Variants in AEBP2 observed in about 807,000 individuals in gnomAD.
AEBP2 encodes the protein zinc finger protein AEBP2.
Under a neutral mutation model 50.8 loss-of-function variants are expected in AEBP2, and 10 were observed. The observed-to-expected ratio is 0.20, with a 90% CI of 0.12 to 0.33. The LOEUF (loss-of-function observed/expected upper bound fraction) is 0.33, where lower values mean the gene tolerates loss of function less well. Ranked by LOEUF, AEBP2 falls within the 10% of genes least tolerant of loss-of-function variation. The pLI, the probability that AEBP2 is intolerant of heterozygous loss-of-function variation, is 1.00. For synonymous variants in AEBP2, 296 were observed against 261.3 expected (o/e 1.13, Z -1.28); for missense variants, 570 against 688.0 (o/e 0.83, Z 1.92).
intron 1 of AEBP2, among the ~76,000 whole-genome samples, chr12:19,451,118 G>A (rs1592725377): frequency 6.6e-6 from 1 of 152,126 alleles, no homozygotes; most frequent in Admixed American, 6.5e-5. Flanking sequence ...ATCAAACATT[G>A]TTCCAGTTAT....
intron 5 of AEBP2, among the ~76,000 whole-genome samples, chr12:19,506,936 C>T (rs1458841703): frequency 6.6e-6 from 1 of 152,016 alleles, no homozygotes; most frequent in East Asian, 1.9e-4. Flanking sequence ...TGGAGGCTCT[C>T]AGGCAAGCAG....
chr12:19,446,910 G>A (rs1224724314), intron 1 of AEBP2, among the ~76,000 whole-genome samples: 1 of 152,060 alleles, frequency 6.6e-6, no homozygotes, highest in East Asian at 1.9e-4. Context: ...CTGGGTGACA[G>A]CAAGACTCTC....
chr12:19,518,218 C>CA lies in AEBP2; in HGVS notation c.*101_*102insA. 2 of 1,131,728 alleles carry CA rather than the reference C, an allele frequency of 1.8e-6. No individual in the cohort carries two copies. The highest frequency in any genetic ancestry group is 4.6e-5 in the Admixed American group (1 of 21,968). 70.1% of individuals were successfully genotyped at this position (1,131,728 alleles called of 1,614,324 possible). A position where few individuals can be genotyped will look rare whatever the true frequency, so the allele number is the denominator to read the frequency against. ...AGTTGCACATTAGAGTCAACCCCTT[C>CA]TTTTTTTTTTTTTTTTTTTTAAATC... On this transcript the variant is annotated 3_prime_UTR_variant, in exon 8 of 8. Coordinates refer to ENST00000266508, the MANE Select transcript of AEBP2 (RefSeq NM_153207.5).
chr12:19,427,797 T>C (rs760663437), intron 1 of AEBP2, among the ~76,000 whole-genome samples: 1 of 152,024 alleles, frequency 6.6e-6, no homozygotes. Context: ...TTATAGATAG[T>C]AGGGTGGGAA....
At chr12:19,515,543 T>A (rs1373486372) in intron 7 of AEBP2, among the ~76,000 whole-genome samples, 1 of 152,198 alleles carries the variant, frequency 6.6e-6, no homozygotes, top group East Asian at 1.9e-4. Flanking sequence ...GTGGTGGAAA[T>A]GCTTAAAACC....
chr12:19,494,975 C>T (rs888840198), intron 4 of AEBP2, among the ~76,000 whole-genome samples: 3 of 150,926 alleles, frequency 2.0e-5, no homozygotes, highest in Non-Finnish European at 4.4e-5. Context: ...GGTGTGATCT[C>T]GGCTCACTGC....
chr12:19,504,783 T>TA (rs909377769), intron 5 of AEBP2, among the ~76,000 whole-genome samples: 2 of 152,126 alleles, frequency 1.3e-5, no homozygotes, highest in South Asian at 2.1e-4. Flanking sequence ...TAACTTTATT[T>TA]AAAAAAAGGC....
In AEBP2 at chr12:19,440,386, C is replaced by T. The variant is rs553262655; in HGVS notation, c.671+16C>T. The T allele has an allele frequency of 2.0e-6, 3 of 1,470,456 alleles. No homozygotes were observed. Among genetic ancestry groups the T allele is most frequent in the African/African-American group, 2.8e-5 (2 of 70,736 alleles). The allele number at this position is 1,470,456 out of a possible 1,614,324, so 91.1% of individuals were successfully genotyped here. On this transcript the variant is annotated intron_variant, in intron 1 of 7. Coordinates refer to ENST00000266508, the MANE Select transcript of AEBP2 (RefSeq NM_153207.5). ...CGGAGGACAGGTCAGTGCTCTGAAG[C>T]GTTTCCCCTTCCCTTCCTCCTCTTG...
chr12:19,440,718 G>T (rs1446872549), intron 1 of AEBP2: 6 of 1,533,368 alleles, frequency 3.9e-6, no homozygotes, highest in Non-Finnish European at 5.2e-6. Context: ...TACACACGTC[G>T]GTACTCAAGG....
Position 19,439,982 on chromosome 12 carries a change from G to C in AEBP2, c.283G>C (p.Glu95Gln). Residue 95 changes from glutamate to glutamine, a missense_variant, in exon 1 of 8, where the codon GAG becomes CAG. This residue lies in a region of AEBP2 where 386 missense variants were observed against 336.8 expected (regional missense o/e 1.15). Coordinates refer to ENST00000266508, the MANE Select transcript of AEBP2 (RefSeq NM_153207.5). ...PSPESASQAG[E>Q]DEDEEEDDEE... ...CCCCGAGAGCGCCAGCCAGGCCGGGGAGGACGAAGACGAGGAGGAGGACGA... is the reference window on the plus strand; with the variant it reads ...CCCCGAGAGCGCCAGCCAGGCCGGGCAGGACGAAGACGAGGAGGAGGACGA... 6.6e-7 allele frequency: 1 copy of C among 1,524,924 alleles called. No individual in the cohort carries two copies. Among genetic ancestry groups the C allele is most frequent in the Non-Finnish European group, 8.8e-7 (1 of 1,142,228 alleles). 94.5% of individuals were successfully genotyped at this position (1,524,924 alleles called of 1,614,324 possible).
chr12:19,491,414 G>T (rs190549007), intron 3 of AEBP2, among the ~76,000 whole-genome samples: 147 of 152,220 alleles, frequency 9.7e-4, no homozygotes, highest in African/African-American at 3.4e-3. Flanking sequence ...AGGCCTTACT[G>T]TACTCCTTTG....
At chr12:19,426,460 T>C (rs1378821406) in intron 1 of AEBP2, among the ~76,000 whole-genome samples, 1 of 152,196 alleles carries the variant, frequency 6.6e-6, no homozygotes, top group Non-Finnish European at 1.5e-5. Flanking sequence ...CTAAATATGC[T>C]TAGGTTAATT....
chr12:19,416,206 A>G (rs1056373676), intron 1 of AEBP2, among the ~76,000 whole-genome samples: 2 of 152,058 alleles, frequency 1.3e-5, no homozygotes, highest in Non-Finnish European at 2.9e-5. Flanking sequence ...AAACAAAACA[A>G]AACCCAACTT....
intron 1 of AEBP2, among the ~76,000 whole-genome samples, chr12:19,430,950 G>A (rs1341538629): frequency 6.7e-6 from 1 of 150,114 alleles, no homozygotes; most frequent in Non-Finnish European, 1.5e-5. Flanking sequence ...TTGAGCCCCA[G>A]AGGTTGAGGT....
intron 1 of AEBP2, chr12:19,413,441 A>C (rs2095740514): frequency 8.9e-7 from 1 of 1,118,648 alleles, no homozygotes; most frequent in African/African-American, 1.5e-5. Flanking sequence ...ATGGACTCTG[A>C]TGAAGAAGAC....
At position 19,518,323 on chromosome 12, in the gene AEBP2, T is replaced by C; in HGVS notation, c.*206T>C. ...CTCTTCGGTGGAATATATTAATATA[T>C]TACTGTATATCCACATTTTCATGGA... On this transcript the variant is annotated 3_prime_UTR_variant, in exon 8 of 8. Coordinates refer to ENST00000266508, the MANE Select transcript of AEBP2 (RefSeq NM_153207.5). The C allele has an allele frequency of 7.9e-7, 1 of 1,267,046 alleles. No individual in the cohort carries two copies. The highest frequency in any genetic ancestry group is 9.9e-7 in the Non-Finnish European group (1 of 1,007,438). The allele number at this position is 1,267,046 out of a possible 1,614,324, so 78.5% of individuals were successfully genotyped here. A position where few individuals can be genotyped will look rare whatever the true frequency, so the allele number is the denominator to read the frequency against.
chr12:19,435,087 C>A (rs2095753488), upstream of AEBP2, among the ~76,000 whole-genome samples: 1 of 151,754 alleles, frequency 6.6e-6, no homozygotes, highest in South Asian at 2.1e-4. Context: ...ATAATCTAAT[C>A]ATATCATACC....
intron 1 of AEBP2, among the ~76,000 whole-genome samples, chr12:19,416,306 A>G (rs955013910): frequency 6.6e-6 from 1 of 152,240 alleles, no homozygotes; most frequent in African/African-American, 2.4e-5. Context: ...GGATTTGCAT[A>G]TAATTGGTAT....
chr12:19,440,571 G>T lies in AEBP2; in HGVS notation c.671+201G>T, dbSNP rs968577401. Reference sequence around the variant, plus strand: ...CATCGCGGCTTCCAACTCTCAAACCGTTCCCCCCCAACTCTCCTTTCCCCG... The same window carrying T: ...CATCGCGGCTTCCAACTCTCAAACCTTTCCCCCCCAACTCTCCTTTCCCCG... On this transcript the variant is annotated intron_variant, in intron 1 of 7. Transcript: ENST00000266508. 5.7e-6 allele frequency: 8 copies of T among 1,407,330 alleles called. No homozygotes were observed. In the African/African-American group the frequency reaches 7.3e-5, roughly 13 times the overall value. The allele number at this position is 1,407,330 out of a possible 1,614,324, so 87.2% of individuals were successfully genotyped here.
Sources: gnomAD v4.1 joint callset for allele counts (sites outside exome capture counted in the v4.1 genomes callset) on GRCh38, gnomAD v4.1.1 for gene constraint, gnomAD v4.1.1 regional missense constraint, MANE v1.5 for transcripts, NCBI Gene and HGNC (gene_info 2026-07-23, HGNC 2026-07-21) for gene names.